RNF213: variants seen among roughly 807,000 people sequenced by gnomAD.
RNF213 encodes E3 ubiquitin-protein ligase RNF213.
Under a neutral mutation model 514.4 loss-of-function variants are expected in RNF213, and 341 were observed. That is an observed-to-expected ratio of 0.66 (90% CI 0.61 to 0.73). RNF213 has a LOEUF of 0.73. Among genes scored for constraint, RNF213 ranks in the 30% least tolerant of loss-of-function variants. RNF213 has a pLI of 0.00. For synonymous variants in RNF213, 2,655 were observed against 2,658.2 expected (o/e 1.00, Z 0.04); for missense variants, 5,767 against 6,615.6 (o/e 0.87, Z 4.45).
At position 80,340,223 on chromosome 17, in the gene RNF213, C is replaced by T. The variant is rs755906590; in HGVS notation, c.5856C>T (p.Pro1952=). The T allele has an allele frequency of 6.2e-7, 1 of 1,614,176 alleles. No homozygotes were observed. Among genetic ancestry groups the T allele is most frequent in the Non-Finnish European group, 8.5e-7 (1 of 1,180,002 alleles). ...AFSQHKVFVT[P]QAPLEAIQAY... ...GCCAGCACAAGGTCTTCGTCACCCC[C>T]CAGGCACCCCTCGAGGCCATCCAAG... The change falls in exon 26 of 68, where the codon CCC becomes CCT. Residue 1952 remains proline, a synonymous_variant. Coordinates refer to ENST00000582970, the MANE Select transcript of RNF213 (RefSeq NM_001256071.3).
intron 3 of RNF213, among the ~76,000 whole-genome samples, chr17:80,287,481 G>A (rs1042924550): frequency 2.6e-5 from 4 of 152,196 alleles, no homozygotes; most frequent in Non-Finnish European, 5.9e-5. Context: ...CATCCTGGGC[G>A]ACAGAGGGAG....
Position 80,353,334 on chromosome 17 carries a change from G to C in RNF213, c.10424-178G>C. Reference sequence around the variant, plus strand: ...GCCAGAGCCCAGGCTGGAAGGAAGGGGCTGCCTTGGGGGCTGATCTTCATG... The same window carrying C: ...GCCAGAGCCCAGGCTGGAAGGAAGGCGCTGCCTTGGGGGCTGATCTTCATG... On this transcript the variant is annotated intron_variant, in intron 33 of 67. Coordinates refer to ENST00000582970, the MANE Select transcript of RNF213 (RefSeq NM_001256071.3). This position sits in a 1 kb window ranked among gnomAD's most constrained non-coding sequence, Gnocchi z 5.0. The C allele has an allele frequency of 1.2e-6, 1 of 827,444 alleles. No individual in the cohort carries two copies. Among genetic ancestry groups the C allele is most frequent in the Non-Finnish European group, 2.0e-6 (1 of 510,878 alleles). 51.3% of individuals were successfully genotyped at this position (827,444 alleles called of 1,614,324 possible).
In RNF213 at chr17:80,287,901, C is replaced by A; in HGVS notation, c.348C>A (p.Ser116Arg). 1 of 1,578,912 alleles carries A rather than the reference C, an allele frequency of 6.3e-7. No individual in the cohort carries two copies. The highest frequency in any genetic ancestry group is 1.1e-5 in the South Asian group (1 of 87,328). Residue 116 changes from serine (S) to arginine (R), a missense_variant, in exon 4 of 68, where the codon AGC (serine) becomes AGA (arginine). Physicochemically the swap from Ser to Arg is moderately radical, Grantham distance 110 (BLOSUM62 -1). Transcript: ENST00000582970. ...ELASLPLSPA[S>R]PCHLTLLSNP... ...CTTCCTTGCCCCTTTCTCCTGCCAG[C>A]CCCTGTCACCTGACTTTGCTTTCAA...
intron 10 of RNF213, 21 bp downstream of exon 10, chr17:80,295,834 A>T: frequency 6.2e-7 from 1 of 1,613,620 alleles, no homozygotes; most frequent in South Asian, 1.1e-5. Flanking sequence ...TTTTTGTCAA[A>T]ATGTTTTTTA....
At chr17:80,391,073 A>G (rs552122732) in intron 67 of RNF213, among the ~76,000 whole-genome samples, 1 of 152,274 alleles carries the variant, frequency 6.6e-6, no homozygotes, top group East Asian at 1.9e-4. Context: ...AAAACAAACA[A>G]AAAAAAGAAT....
Position 80,367,738 on chromosome 17 carries a change from C to T in RNF213, c.11872-10C>T. The stretch of plus-strand genomic sequence containing the variant: ...CCCTGCTAATGACTCCTGTCCCTGC[C>T]TTTCTTCAGTGTCTTCGAGAGAACT... On this transcript the variant is annotated splice_polypyrimidine_tract_variant and intron_variant, in intron 42 of 67. Transcript: ENST00000582970. The T allele has an allele frequency of 1.2e-6, 2 of 1,612,746 alleles. No homozygotes were observed. The highest frequency in any genetic ancestry group is 8.5e-7 in the Non-Finnish European group (1 of 1,178,886).
intron 8 of RNF213, chr17:80,292,063 C>G (rs1228621087): frequency 6.7e-6 from 4 of 593,092 alleles, no homozygotes; most frequent in Non-Finnish European, 1.2e-5. Context: ...TACCTACTCA[C>G]TTGCAGGAGG....
chr17:80,363,411 AT>A (rs1421111496), intron 40 of RNF213, 97 bp downstream of exon 40: 9 of 1,341,658 alleles, frequency 6.7e-6, no homozygotes, highest in Non-Finnish European at 9.5e-6. Context: ...CAAGTGGGAG[AT>A]TTCTTCACAA....
At chr17:80,358,546 C>T (rs1667278691) in intron 37 of RNF213, 67 bp downstream of exon 37, 2 of 1,421,932 alleles carry the variant, frequency 1.4e-6, no homozygotes, top group Non-Finnish European at 2.0e-6. Context: ...CTAATATGCT[C>T]TCCCAAGTGC....
rs191959047 is a variant in RNF213 at position 80,372,752 on chromosome 17, T to C, written c.12751+18T>C. 2.8e-4 allele frequency: 444 copies of C among 1,609,902 alleles called. 1 individual carries two copies. In the African/African-American group the frequency reaches 5.3e-3, roughly 19 times the overall value. On this transcript the variant is annotated intron_variant, in intron 48 of 67. Transcript: ENST00000582970. ...AGGCCCAGGCAAGTCTTCTCTGCCTTGCTTTCCTTTGGGTTTAAAGACTCC... is the reference window on the plus strand; with the variant it reads ...AGGCCCAGGCAAGTCTTCTCTGCCTCGCTTTCCTTTGGGTTTAAAGACTCC...
intron 36 of RNF213, among the ~76,000 whole-genome samples, chr17:80,357,282 T>TACAACAAAATATATATA (rs1309094440): frequency 1.3e-5 from 2 of 152,182 alleles, no homozygotes; most frequent in Admixed American, 1.3e-4. Context: ...TGTAAATATA[T>TACAACAAAATATATATA]ACAACAAAAT....
intron 3 of RNF213, among the ~76,000 whole-genome samples, chr17:80,276,556 T>C (rs1195847908): frequency 6.6e-6 from 1 of 151,744 alleles, no homozygotes; most frequent in Non-Finnish European, 1.5e-5. Flanking sequence ...AAGAGAACAA[T>C]AAAAGAGGCC....
Position 80,343,938 on chromosome 17 carries a change from C to T in RNF213, c.6265C>T (p.Arg2089Trp), listed in dbSNP as rs775006151. ...LMDINGKMWLRNPCHLYIVEI... is the reference protein window; with the variant it reads ...LMDINGKMWLWNPCHLYIVEI... ...GGATATAAATGGGAAAATGTGGCTT[C>T]GGAACCCCTGCCATTTGTATATCGT... The change falls in exon 28 of 68, where the codon CGG (arginine) becomes TGG (tryptophan). Residue 2089 changes from arginine (R) to tryptophan (W), a missense_variant. By Grantham distance (101) the Arg-to-Trp change is moderately radical. This residue lies in a region of RNF213 where 1,377 missense variants were observed against 1,635.2 expected (regional missense o/e 0.84). Coordinates refer to ENST00000582970, the MANE Select transcript of RNF213 (RefSeq NM_001256071.3). The surrounding 1 kb of genome is among the most constrained non-coding windows in gnomAD (Gnocchi z 4.3). 31 of 1,614,026 alleles carry T rather than the reference C, an allele frequency of 1.9e-5. No homozygotes were observed. In the East Asian group the frequency reaches 2.2e-4, roughly 12 times the overall value.
rs746455713 is a variant in RNF213 at position 80,382,980 on chromosome 17, G to C, written c.13980G>C (p.Arg4660Ser). ...LQEQHQLSSR[R>S]LLNFDTELST... Reference sequence around the variant, plus strand: ...TACACATTTGGAGTTTTTTTGTAGGGCTTTTAAATTTTGACACAGAATTGT... The same window carrying C: ...TACACATTTGGAGTTTTTTTGTAGGCCTTTTAAATTTTGACACAGAATTGT... The change falls in exon 58 of 68, where the codon AGG (arginine) becomes AGC (serine). Residue 4660 changes from arginine (R) to serine (S), a missense_variant and splice_region_variant. Arg to Ser is a moderately radical substitution (Grantham distance 110, BLOSUM62 -1). Coordinates refer to ENST00000582970, the MANE Select transcript of RNF213 (RefSeq NM_001256071.3). 6.2e-7 allele frequency: 1 copy of C among 1,611,340 alleles called. No homozygotes were observed. The highest frequency in any genetic ancestry group is 1.7e-5 in the Admixed American group (1 of 60,014).
At chr17:80,389,740 T>C (rs2080386061) in intron 65 of RNF213, 88 bp from the exon 66 acceptor site, 1 of 1,048,212 alleles carries the variant, frequency 9.5e-7, no homozygotes, top group South Asian at 1.3e-5. Flanking sequence ...AGAATGCCTG[T>C]GTGGAGAGCA....
rs1032231978 is a variant in RNF213 at position 80,377,461 on chromosome 17, TAGAA to T, written c.13511-298_13511-295del. On this transcript the variant is annotated intron_variant, in intron 53 of 67. Coordinates refer to ENST00000582970, the MANE Select transcript of RNF213 (RefSeq NM_001256071.3). The surrounding 1 kb of genome is among the most constrained non-coding windows in gnomAD (Gnocchi z 4.1). Reference sequence around the variant, plus strand: ...ACAAAAAAAAAAAAATCAAGGAAAATAGAAAGGTCTAGAATCCTGTCCACCTTGC... The same window carrying T: ...ACAAAAAAAAAAAAATCAAGGAAAATAGGTCTAGAATCCTGTCCACCTTGC... 4.3e-4 allele frequency among the ~76,000 whole-genome samples: 64 copies of T among 148,958 alleles called. No homozygotes were observed. Among genetic ancestry groups the T allele is most frequent in the African/African-American group, 1.5e-3 (62 of 40,710 alleles).
At chr17:80,324,889 T>C in intron 17 of RNF213, 141 bp from the exon 18 acceptor site, 1 of 771,202 alleles carries the variant, frequency 1.3e-6, no homozygotes, top group Non-Finnish European at 2.1e-6. Flanking sequence ...AGTGTTTTAC[T>C]ATTTTGCTCT....
In RNF213 at chr17:80,290,117, C is replaced by T. The variant is rs9893785; in HGVS notation, c.1112+280C>T. Among the ~76,000 whole-genome samples the T allele has an allele frequency of 3.6e-3, 555 of 152,348 alleles. 5 individuals are homozygous for T. The highest frequency in any genetic ancestry group is 0.013 in the African/African-American group (530 of 41,572). On this transcript the variant is annotated intron_variant, in intron 6 of 67. Coordinates refer to ENST00000582970, the MANE Select transcript of RNF213 (RefSeq NM_001256071.3). ...GGCCCAGACACCTGCTGGTGCCTCC[C>T]GCCACTGTCCCCAGCACTTCAGAGG... is the stretch of plus-strand genomic sequence containing the variant.
In RNF213 at chr17:80,389,176, T is replaced by C; in HGVS notation, c.15004T>C (p.Ser5002Pro). The change falls in exon 65 of 68, where the codon TCC becomes CCC. Residue 5002 changes from serine to proline, a missense_variant. By Grantham distance (74) the Ser-to-Pro change is moderately conservative. Transcript: ENST00000582970. ...TCTCCTGCTTTTCATTTCCCAGGAC[T>C]CCCTCCCCAGCTCGGTCATTAGTGC... Reference protein sequence around the residue: ...MDIKNKMAQDSLPSSVISAIS... With the variant: ...MDIKNKMAQDPLPSSVISAIS... 6.2e-7 allele frequency: 1 copy of C among 1,613,924 alleles called. No individual in the cohort carries two copies. The highest frequency in any genetic ancestry group is 8.5e-7 in the Non-Finnish European group (1 of 1,179,890).
Sources: gnomAD v4.1 joint callset for allele counts (sites outside exome capture counted in the v4.1 genomes callset) on GRCh38, gnomAD v4.1.1 for gene constraint, gnomAD v4.1.1 regional missense constraint, Gnocchi (gnomAD v3.1) non-coding constraint, MANE v1.5 for transcripts, NCBI Gene and HGNC (gene_info 2026-07-23, HGNC 2026-07-21) for gene names.